The following MARCHF1 variants were observed in gnomAD, a reference collection of about 807,000 sequenced individuals.
MARCHF1 encodes the protein E3 ubiquitin-protein ligase MARCHF1.
A neutral mutation model predicts 54.2 loss-of-function variants in MARCHF1; 40 were observed. The observed-to-expected ratio is 0.74, with a 90% CI of 0.57 to 0.96. The LOEUF (loss-of-function observed/expected upper bound fraction) is 0.96. Ranked by LOEUF, MARCHF1 falls within the 40% of genes least tolerant of loss-of-function variation. MARCHF1 has a pLI of 0.00. For missense variants in MARCHF1, 586 were observed against 656.5 expected, an observed-to-expected ratio of 0.89 and a Z score of 1.17; for synonymous variants, 236 against 236.3, an observed-to-expected ratio of 1.00 and a Z score of 0.01.
At chr4:163,639,534 GAA>G (rs1742478635) in intron 5 of MARCHF1, among the ~76,000 whole-genome samples, 1 of 152,104 alleles carries the variant, frequency 6.6e-6, no homozygotes, top group South Asian at 2.1e-4. Context: ...CAGTGTAACA[GAA>G]AAATTTTTAC....
chr4:163,775,673 T>C (rs1013277430), intron 4 of MARCHF1, among the ~76,000 whole-genome samples: 1 of 152,012 alleles, frequency 6.6e-6, no homozygotes, highest in African/African-American at 2.4e-5. Context: ...TTTAAGATAA[T>C]AAGAAGGCGG....
intron 2 of MARCHF1, among the ~76,000 whole-genome samples, chr4:164,100,955 G>A (rs560720430): frequency 5.4e-4 from 82 of 152,342 alleles, no homozygotes; most frequent in Admixed American, 2.4e-3. Context: ...CTTGGGAAGC[G>A]CAAGAGGTCA....
At chr4:163,776,673 G>A (rs77335366) in intron 4 of MARCHF1, among the ~76,000 whole-genome samples, 3,614 of 152,048 alleles carry the variant, frequency 0.024, 65 homozygotes, top group East Asian at 0.075. Context: ...ACACATCTCC[G>A]TATCTCCAAC....
chr4:164,081,468 T>G lies in MARCHF1; in HGVS notation c.-248+30120A>C, dbSNP rs557676854. Among the ~76,000 whole-genome samples the G allele has an allele frequency of 9.2e-5, 14 of 152,188 alleles. No homozygotes were observed. In the South Asian group the frequency reaches 2.9e-3, roughly 32 times the overall value. On this transcript the variant is annotated intron_variant, in intron 2 of 9. Transcript: ENST00000514618. ...GCCCTACATAAAAATAGTACCTATT[T>G]CTCTTCCTTGCTCAAAGGTACAAAA... is the stretch of plus-strand genomic sequence containing the variant.
intron 4 of MARCHF1, among the ~76,000 whole-genome samples, chr4:163,828,014 TACACACACACACACACAC>T (rs748460236): frequency 3.3e-4 from 41 of 124,570 alleles, no homozygotes; most frequent in Non-Finnish European, 5.8e-4. Context: ...TGCGCAGGCA[TACACACACACACACACAC>T]ACACACACAC....
chr4:163,954,167 T>C (rs1752187835), intron 3 of MARCHF1, among the ~76,000 whole-genome samples: 2 of 152,194 alleles, frequency 1.3e-5, no homozygotes, highest in Admixed American at 1.3e-4. Context: ...CTTTCACTTA[T>C]TAAAATTTCC....
rs561611814 is a variant in MARCHF1 at position 163,890,230 on chromosome 4, A to G, written c.-38-36061T>C. 1.2e-3 allele frequency among the ~76,000 whole-genome samples: 176 copies of G among 151,876 alleles called. 1 individual carries two copies. Among genetic ancestry groups the G allele is most frequent in the African/African-American group, 3.7e-3 (152 of 41,454 alleles). ...ATTACAGGCGTGAGCCACCACGCCC[A>G]GCCTCTTTATGTTAAACTTTAAATG... On this transcript the variant is annotated intron_variant, in intron 3 of 9. Coordinates refer to ENST00000514618, the MANE Select transcript of MARCHF1 (RefSeq NM_001394959.1).
chr4:163,632,941 T>C (rs971239682), intron 5 of MARCHF1, among the ~76,000 whole-genome samples: 10 of 152,152 alleles, frequency 6.6e-5, no homozygotes, highest in Non-Finnish European at 1.3e-4. Context: ...ACCTGACCCC[T>C]GACCCCTGAG....
At chr4:164,100,070 T>C (rs1755506441) in intron 2 of MARCHF1, among the ~76,000 whole-genome samples, 1 of 152,196 alleles carries the variant, frequency 6.6e-6, no homozygotes, top group South Asian at 2.1e-4. Context: ...GAATTTTCCT[T>C]TTAAAGACTT....
intron 9 of MARCHF1, among the ~76,000 whole-genome samples, chr4:163,533,421 G>A (rs796335440): frequency 9.3e-4 from 142 of 151,910 alleles, no homozygotes; most frequent in African/African-American, 3.2e-3. Flanking sequence ...ATTCTGTAAC[G>A]GTGGACACAG....
At chr4:163,798,143 T>C (rs544892137) in intron 4 of MARCHF1, among the ~76,000 whole-genome samples, 6 of 152,282 alleles carry the variant, frequency 3.9e-5, no homozygotes, top group African/African-American at 1.4e-4. Context: ...TAAGGTTAAA[T>C]GAGATCATGA....
In MARCHF1 at chr4:163,585,944, A is replaced by G. The variant is rs1740397362; in HGVS notation, c.1011-15T>C. On this transcript the variant is annotated splice_polypyrimidine_tract_variant and intron_variant, in intron 7 of 9. Coordinates refer to ENST00000514618, the MANE Select transcript of MARCHF1 (RefSeq NM_001394959.1). ...AGTGACAGATTCTGCAGAAAGACAC[A>G]GCAGCCAGTATGAGATCTCCCAGAG... 7 of 1,592,306 alleles carry G rather than the reference A, an allele frequency of 4.4e-6. No homozygotes were observed. Among genetic ancestry groups the G allele is most frequent in the Non-Finnish European group, 6.0e-6 (7 of 1,169,426 alleles).
intron 1 of MARCHF1, among the ~76,000 whole-genome samples, chr4:164,322,761 G>A (rs76864616): frequency 0.15 from 22,033 of 151,882 alleles, 2,457 homozygotes; most frequent in East Asian, 0.43. Flanking sequence ...GCAAAGCAAA[G>A]TGTATAAATG....
intron 3 of MARCHF1, chr4:163,932,671 T>C (rs1751703514): frequency 2.0e-6 from 1 of 490,384 alleles, no homozygotes; most frequent in Non-Finnish European, 4.0e-6. Flanking sequence ...ATGAGTGCGG[T>C]TGGGGGCTGC....
rs140123808 is a variant in MARCHF1 at position 163,706,581 on chromosome 4, A to G, written c.112-5718T>C. ...TTGAAAATATATTCTATAAAATATTACTGAGGAGTATAAATTGTGATCTGA... is the reference window on the plus strand; with the variant it reads ...TTGAAAATATATTCTATAAAATATTGCTGAGGAGTATAAATTGTGATCTGA... On this transcript the variant is annotated intron_variant, in intron 4 of 9. Transcript: ENST00000514618. Among the ~76,000 whole-genome samples, 374 of 152,182 alleles carry G rather than the reference A, an allele frequency of 2.5e-3. 6 individuals are homozygous for G. The highest frequency in any genetic ancestry group is 0.02 in the Admixed American group (306 of 15,242).
intron 1 of MARCHF1, chr4:164,196,923 G>A: frequency 6.5e-7 from 1 of 1,546,204 alleles, no homozygotes. Flanking sequence ...AGGGGATATG[G>A]GTAAAAACAG....
At chr4:163,904,791 A>AAGAGAG (rs377280705) in intron 3 of MARCHF1, among the ~76,000 whole-genome samples, 8 of 12,756 alleles carry the variant, frequency 6.3e-4, no homozygotes, top group Admixed American at 1.3e-3. Context: ...CAGAGAGAGA[A>AAGAGAG]AGAGAGAGAG....
At chr4:164,035,928 A>G (rs903909827) in intron 2 of MARCHF1, among the ~76,000 whole-genome samples, 8 of 54,388 alleles carry the variant, frequency 1.5e-4, no homozygotes, top group African/African-American at 5.1e-4. Flanking sequence ...TAAAACTAAA[A>G]CTAAAAAAAA....
intron 2 of MARCHF1, among the ~76,000 whole-genome samples, chr4:164,058,256 A>G (rs1754538157): frequency 6.6e-6 from 1 of 152,216 alleles, no homozygotes; most frequent in African/African-American, 2.4e-5. Context: ...AGTAACCCAG[A>G]ACTTAAAGTA....
Sources: gnomAD v4.1 joint callset for allele counts (sites outside exome capture counted in the v4.1 genomes callset) on GRCh38, gnomAD v4.1.1 for gene constraint, MANE v1.5 for transcripts, NCBI Gene and HGNC (gene_info 2026-07-23, HGNC 2026-07-21) for gene names.